The following ABL1 variants were observed in gnomAD, a reference collection of about 807,000 sequenced individuals.
ABL1 encodes ABL proto-oncogene 1, non-receptor tyrosine kinase, also known as tyrosine-protein kinase ABL1.
In ABL1, 11 loss-of-function variants were observed where a neutral mutation model predicts 94.7. That is an observed-to-expected ratio of 0.12 (90% CI 0.07 to 0.19). ABL1 has a LOEUF of 0.19. Ranked by LOEUF, ABL1 falls within the 10% of genes least tolerant of loss-of-function variation. The pLI, the probability that ABL1 is intolerant of heterozygous loss-of-function variation, is 1.00. For missense variants in ABL1, 1,082 were observed against 1,489.4 expected, an observed-to-expected ratio of 0.73 and a Z score of 4.50; for synonymous variants, 656 against 622.4, an observed-to-expected ratio of 1.05 and a Z score of -0.80.
chr9:130,817,250 C>T (rs1830298975), intron 1 of ABL1, among the ~76,000 whole-genome samples: 1 of 152,178 alleles, frequency 6.6e-6, no homozygotes, highest in Non-Finnish European at 1.5e-5. Context: ...TATTCAAAGA[C>T]CTGTGCTAAC....
At chr9:130,841,012 T>A (rs879443207) in intron 1 of ABL1, among the ~76,000 whole-genome samples, 1 of 152,200 alleles carries the variant, frequency 6.6e-6, no homozygotes, top group Admixed American at 6.5e-5. Context: ...ATGGGTAGAA[T>A]CGTTACTCTG....
intron 1 of ABL1, among the ~76,000 whole-genome samples, chr9:130,748,653 G>T (rs1290285311): frequency 6.6e-6 from 1 of 151,518 alleles, no homozygotes; most frequent in Non-Finnish European, 1.5e-5. Flanking sequence ...TTGGCTCACT[G>T]CAACCTTCGC....
chr9:130,814,404 A>G lies in ABL1; in HGVS notation c.137-39660A>G, dbSNP rs1318453096. On this transcript the variant is annotated intron_variant, in intron 1 of 10. Transcript: ENST00000372348. The surrounding 1 kb of genome is among the most constrained non-coding windows in gnomAD (Gnocchi z 4.4). ...GTTATTTGAGAGAGCAATGAAACTCATAAACCTCTACCCAGACTGATCAGG... is the reference window on the plus strand; with the variant it reads ...GTTATTTGAGAGAGCAATGAAACTCGTAAACCTCTACCCAGACTGATCAGG... Among the ~76,000 whole-genome samples, 3 of 152,272 alleles carry G rather than the reference A, an allele frequency of 2.0e-5. No individual in the cohort carries two copies. The highest frequency in any genetic ancestry group is 4.8e-5 in the African/African-American group (2 of 41,480).
intron 1 of ABL1, among the ~76,000 whole-genome samples, chr9:130,796,920 CAAA>C (rs10607745): frequency 0.028 from 1,722 of 60,668 alleles, 11 homozygotes; most frequent in Non-Finnish European, 0.043. Flanking sequence ...AACTTCATCT[CAAA>C]AAAAAAAAAA....
chr9:130,868,520 CTTTT>C (rs71389371), intron 4 of ABL1, among the ~76,000 whole-genome samples: 3 of 112,112 alleles, frequency 2.7e-5, no homozygotes, highest in East Asian at 2.5e-4. Flanking sequence ...TTTTCTTTTT[CTTTT>C]TTTTTTTTTT....
chr9:130,760,478 G>C (rs1238860872), intron 1 of ABL1, among the ~76,000 whole-genome samples: 1 of 152,152 alleles, frequency 6.6e-6, no homozygotes, highest in Admixed American at 6.5e-5. Flanking sequence ...GTTTTTGAAA[G>C]TAGGATGTAT....
intron 1 of ABL1, among the ~76,000 whole-genome samples, chr9:130,748,519 C>G (rs777692192): frequency 5.3e-5 from 8 of 151,852 alleles, no homozygotes; most frequent in Admixed American, 2.0e-4. Flanking sequence ...CTCAAGTGAT[C>G]CTCCCACCTC....
intron 1 of ABL1, among the ~76,000 whole-genome samples, chr9:130,797,205 G>C (rs11789765): frequency 0.25 from 31,434 of 124,916 alleles, 4,550 homozygotes; most frequent in African/African-American, 0.44. Context: ...CACTGCATTC[G>C]AGCCTGGGCG....
intron 1 of ABL1, among the ~76,000 whole-genome samples, chr9:130,758,755 C>T (rs1378813404): frequency 6.6e-6 from 1 of 152,150 alleles, no homozygotes; most frequent in Non-Finnish European, 1.5e-5. Context: ...ACTTTGGAAG[C>T]GTTGGTTGTG....
At chr9:130,740,978 T>C (rs1831809948) in intron 1 of ABL1, among the ~76,000 whole-genome samples, 1 of 152,068 alleles carries the variant, frequency 6.6e-6, no homozygotes, top group Non-Finnish European at 1.5e-5. Context: ...AGTAAACAGC[T>C]GCATGGTGGG....
At chr9:130,738,694 T>C (rs1457327339) in intron 1 of ABL1, among the ~76,000 whole-genome samples, 1 of 152,216 alleles carries the variant, frequency 6.6e-6, no homozygotes. Context: ...CCTTGCTGAT[T>C]GATGGACAAA....
At chr9:130,848,028 G>A (rs1830800062) in intron 1 of ABL1, among the ~76,000 whole-genome samples, 2 of 152,170 alleles carry the variant, frequency 1.3e-5, no homozygotes, top group East Asian at 3.9e-4. Flanking sequence ...CATTTGAGAA[G>A]AAAAGCATTT....
intron 1 of ABL1, among the ~76,000 whole-genome samples, chr9:130,717,623 A>G (rs536054035): frequency 2.6e-5 from 4 of 151,800 alleles, no homozygotes; most frequent in East Asian, 1.9e-4. Flanking sequence ...CTGCATTCCA[A>G]TTTGGGCAAT....
At chr9:130,755,808 T>C (rs1832034752) in intron 1 of ABL1, among the ~76,000 whole-genome samples, 1 of 152,228 alleles carries the variant, frequency 6.6e-6, no homozygotes, top group Admixed American at 6.5e-5. Context: ...CCGCTCTTCC[T>C]GGCCTCCAGA....
intron 1 of ABL1, among the ~76,000 whole-genome samples, chr9:130,839,043 G>A (rs544090332): frequency 2.0e-5 from 3 of 152,128 alleles, no homozygotes; most frequent in African/African-American, 7.2e-5. Context: ...CCAAGTAGCT[G>A]GGGCTGCAGG....
intron 1 of ABL1, among the ~76,000 whole-genome samples, chr9:130,721,332 C>T (rs1831511108): frequency 6.8e-6 from 1 of 146,058 alleles, no homozygotes. Context: ...GAGCCAAGAT[C>T]ATGCCACCGC....
intron 1 of ABL1, among the ~76,000 whole-genome samples, chr9:130,733,229 T>G (rs906545682): frequency 2.0e-5 from 3 of 152,180 alleles, no homozygotes; most frequent in African/African-American, 7.2e-5. Context: ...CGTGTTCACT[T>G]TTAAGAGAAA....
In ABL1 at chr9:130,814,684, T is replaced by C. The variant is rs1018773674; in HGVS notation, c.137-39380T>C. Among the ~76,000 whole-genome samples the C allele has an allele frequency of 6.6e-6, 1 of 151,796 alleles. No individual in the cohort carries two copies. Among genetic ancestry groups the C allele is most frequent in the Non-Finnish European group, 1.5e-5 (1 of 67,960 alleles). On this transcript the variant is annotated intron_variant, in intron 1 of 10. Transcript: ENST00000372348. The surrounding 1 kb of genome is among the most constrained non-coding windows in gnomAD (Gnocchi z 4.4). ...CGAGGTCAGGAGACCGAGACCATCCTTGCTAACACGGTGAAACCCCGTCTC... is the reference window on the plus strand; with the variant it reads ...CGAGGTCAGGAGACCGAGACCATCCCTGCTAACACGGTGAAACCCCGTCTC...
At chr9:130,736,119 C>G (rs993778277) in intron 1 of ABL1, among the ~76,000 whole-genome samples, 2 of 151,428 alleles carry the variant, frequency 1.3e-5, no homozygotes, top group African/African-American at 4.9e-5. Context: ...CTATGCCTGG[C>G]TGTTTTTTGT....
Sources: allele counts gnomAD v4.1 joint callset (sites outside exome capture counted in the v4.1 genomes callset), GRCh38; gene constraint gnomAD v4.1.1; non-coding constraint Gnocchi (gnomAD v3.1); transcripts MANE v1.5; gene names NCBI Gene and HGNC (gene_info 2026-07-23, HGNC 2026-07-21).